Variants in DLGAP2 observed in about 807,000 individuals in gnomAD.
The protein encoded by DLGAP2 is disks large-associated protein 2.
Under a neutral mutation model 100.3 loss-of-function variants are expected in DLGAP2, and 26 were observed. The observed-to-expected ratio is 0.26, with a 90% CI of 0.19 to 0.36. The LOEUF (loss-of-function observed/expected upper bound fraction) is 0.36, where lower values mean the gene tolerates loss of function less well. Among genes scored for constraint, DLGAP2 ranks in the 10% least tolerant of loss-of-function variants. The probability of loss-of-function intolerance (pLI) is 1.00; values close to 1 mark genes in which losing one functional copy is unlikely to be tolerated. For missense variants in DLGAP2, 1,858 were observed against 1,453.2 expected, an observed-to-expected ratio of 1.28 and a Z score of -4.53; for synonymous variants, 886 against 630.1, an observed-to-expected ratio of 1.41 and a Z score of -6.08.
chr8:1,269,033 G>A (rs1345981673), intron 3 of DLGAP2, among the ~76,000 whole-genome samples: 1 of 152,206 alleles, frequency 6.6e-6, no homozygotes, highest in Non-Finnish European at 1.5e-5. Context: ...ACAAGGAACA[G>A]AATTCCCTGA....
At chr8:1,648,437 G>T (rs1245594135) in intron 8 of DLGAP2, among the ~76,000 whole-genome samples, 1 of 152,016 alleles carries the variant, frequency 6.6e-6, no homozygotes, top group African/African-American at 2.4e-5. Context: ...CTCCTGCGTG[G>T]TGTACTGTGA....
At chr8:1,191,744 T>A (rs1157916413) in intron 2 of DLGAP2, among the ~76,000 whole-genome samples, 1 of 152,228 alleles carries the variant, frequency 6.6e-6, no homozygotes, top group Non-Finnish European at 1.5e-5. Context: ...TACCCTCCTA[T>A]TTTTATGTAT....
intron 2 of DLGAP2, among the ~76,000 whole-genome samples, chr8:1,231,931 A>G (rs1219850816): frequency 6.6e-6 from 1 of 152,202 alleles, no homozygotes; most frequent in Non-Finnish European, 1.5e-5. Flanking sequence ...ACAAACCTGC[A>G]CATGTACCCC....
At chr8:1,159,793 AGTTGCTCT>A (rs1796855580) in intron 2 of DLGAP2, among the ~76,000 whole-genome samples, 1 of 152,208 alleles carries the variant, frequency 6.6e-6, no homozygotes, top group African/African-American at 2.4e-5. Flanking sequence ...ACGAATGAAA[AGTTGCTCT>A]GTGTTTATTG....
intron 2 of DLGAP2, among the ~76,000 whole-genome samples, chr8:1,173,180 TG>T (rs1465743727): frequency 1.3e-5 from 2 of 152,174 alleles, no homozygotes; most frequent in Non-Finnish European, 2.9e-5. Context: ...TCGGCAGCGG[TG>T]TCCGCAGAAC....
In DLGAP2 at chr8:1,159,787, A is replaced by T. The variant is rs2129052509; in HGVS notation, c.74-99064A>T. 1.3e-5 allele frequency among the ~76,000 whole-genome samples: 2 copies of T among 152,324 alleles called. 1 individual carries two copies. The highest frequency in any genetic ancestry group is 4.1e-4 in the South Asian group (2 of 4,824). ...TACTAGTGAAGTATTCAAGGAACGA[A>T]TGAAAAGTTGCTCTGTGTTTATTGA... is the stretch of plus-strand genomic sequence containing the variant. On this transcript the variant is annotated intron_variant, in intron 2 of 14. Coordinates refer to ENST00000637795, the MANE Select transcript of DLGAP2 (RefSeq NM_001346810.2).
At chr8:1,697,320 C>A (rs981058802) in intron 14 of DLGAP2, 21 bp downstream of exon 14, 7 of 1,571,358 alleles carry the variant, frequency 4.5e-6, no homozygotes, top group Middle Eastern at 1.7e-4. Flanking sequence ...CCATGCAGGG[C>A]CGGCTCCCAG....
intron 2 of DLGAP2, among the ~76,000 whole-genome samples, chr8:1,055,437 C>T (rs559498539): frequency 6.6e-6 from 1 of 152,128 alleles, no homozygotes; most frequent in African/African-American, 2.4e-5. Flanking sequence ...AGGTTCCTTA[C>T]CTATGAATGT....
chr8:1,109,969 G>T (rs1804894077), intron 2 of DLGAP2, among the ~76,000 whole-genome samples: 1 of 101,406 alleles, frequency 9.9e-6, no homozygotes, highest in African/African-American at 4.3e-5. Context: ...GGTCTGTGAG[G>T]TGTGTACGGG....
At position 1,102,802 on chromosome 8, in the gene DLGAP2, C is replaced by T. The variant is rs554374870; in HGVS notation, c.74-156049C>T. Among the ~76,000 whole-genome samples, 10 of 151,960 alleles carry T rather than the reference C, an allele frequency of 6.6e-5. No homozygotes were observed. The East Asian group carries it at 1.7e-3, about 27-fold the overall frequency. On this transcript the variant is annotated intron_variant, in intron 2 of 14. Transcript: ENST00000637795. ...AGAAAAAGGGGAAGAAAACACAGCC[C>T]TGGGGGAGGTGACGGGGCAGAAAAT...
chr8:1,513,983 C>G (rs189935664), intron 4 of DLGAP2, among the ~76,000 whole-genome samples: 1 of 152,224 alleles, frequency 6.6e-6, no homozygotes, highest in Non-Finnish European at 1.5e-5. Flanking sequence ...GTACCAGGAG[C>G]TCACACATCC....
At chr8:1,240,706 G>C (rs62487813) in intron 2 of DLGAP2, among the ~76,000 whole-genome samples, 1 of 147,954 alleles carries the variant, frequency 6.8e-6, no homozygotes, top group Non-Finnish European at 1.5e-5. Context: ...CTCTCACATG[G>C]TGACGTGTCT....
rs1799694722 is a variant in DLGAP2 at position 1,705,948 on chromosome 8, G to A, written c.*4542G>A. On this transcript the variant is annotated 3_prime_UTR_variant, in exon 15 of 15. Coordinates refer to ENST00000637795, the MANE Select transcript of DLGAP2 (RefSeq NM_001346810.2). ...TAGGATCTGTAACTCTGTGGGCTGG[G>A]TCAATGCAGTGTGCTTCATTCAGGG... 6.6e-6 allele frequency: 1 copy of A among 152,184 alleles called. No homozygotes were observed. The highest frequency in any genetic ancestry group is 1.5e-5 in the Non-Finnish European group (1 of 68,048). 9.4% of individuals were successfully genotyped at this position (152,184 alleles called of 1,614,324 possible). A position where few individuals can be genotyped will look rare whatever the true frequency, so the allele number is the denominator to read the frequency against.
At chr8:1,172,717 C>T (rs1307264424) in intron 2 of DLGAP2, among the ~76,000 whole-genome samples, 1 of 152,188 alleles carries the variant, frequency 6.6e-6, no homozygotes, top group East Asian at 1.9e-4. Context: ...GTTCCCGAGC[C>T]TTGGCTTTCA....
At chr8:1,272,948 T>C (rs1267731168) in intron 3 of DLGAP2, among the ~76,000 whole-genome samples, 1 of 152,186 alleles carries the variant, frequency 6.6e-6, no homozygotes, top group Admixed American at 6.5e-5. Flanking sequence ...TTCTGTGCCG[T>C]GGGTTATGGA....
intron 3 of DLGAP2, among the ~76,000 whole-genome samples, chr8:1,310,830 G>C (rs1211245338): frequency 6.6e-6 from 1 of 151,946 alleles, no homozygotes; most frequent in African/African-American, 2.4e-5. Flanking sequence ...GCTAATTTTT[G>C]TCAAAGTAAC....
intron 6 of DLGAP2, among the ~76,000 whole-genome samples, chr8:1,622,624 T>C (rs1563262738): frequency 1.3e-5 from 2 of 152,222 alleles, no homozygotes; most frequent in Non-Finnish European, 2.9e-5. Flanking sequence ...GCTTTCCGTC[T>C]CGCCTGTTTG....
chr8:1,155,946 G>T (rs1796775905), intron 2 of DLGAP2, among the ~76,000 whole-genome samples: 1 of 152,212 alleles, frequency 6.6e-6, no homozygotes, highest in Non-Finnish European at 1.5e-5. Context: ...GGGGAGGCTG[G>T]GTGGGCGTCC....
intron 1 of DLGAP2, among the ~76,000 whole-genome samples, chr8:804,982 G>C (rs1796240988): frequency 6.6e-6 from 1 of 152,076 alleles, no homozygotes; most frequent in African/African-American, 2.4e-5. Flanking sequence ...TGTTGTCCAG[G>C]CTGGTCTTGG....
Sources: gnomAD v4.1 joint callset for allele counts (sites outside exome capture counted in the v4.1 genomes callset) on GRCh38, gnomAD v4.1.1 for gene constraint, MANE v1.5 for transcripts, NCBI Gene and HGNC (gene_info 2026-07-23, HGNC 2026-07-21) for gene names.